Variants in PKD1L3 observed in about 807,000 individuals in gnomAD.
The protein encoded by PKD1L3 is polycystin 1 like 3, transient receptor potential channel interacting, also known as polycystin-1-like protein 3.
Under a neutral mutation model 184.1 loss-of-function variants are expected in PKD1L3, and 239 were observed. The observed-to-expected ratio is 1.30, with a 90% CI of 1.17 to 1.45. The LOEUF (loss-of-function observed/expected upper bound fraction) is 1.45. PKD1L3 is among the 40% of genes most tolerant of loss of function. PKD1L3 has a pLI of 0.00. For missense variants in PKD1L3, 2,660 were observed against 2,067.2 expected (o/e 1.29, Z -5.56); for synonymous variants, 996 against 778.8 (o/e 1.28, Z -4.64).
chr16:71,953,099 AG>A lies in PKD1L3; in HGVS notation c.2810-7del, dbSNP rs2038912262. ...GGCCACAGCAAATGGACGCACTGAA[AG>A]AAAAGCATGACATCAACTTTCATCT... On this transcript the variant is annotated splice_region_variant and splice_polypyrimidine_tract_variant and intron_variant, in intron 17 of 29. Transcript: ENST00000620267. 6.9e-7 allele frequency: 1 copy of A among 1,445,492 alleles called. No homozygotes were observed. Among genetic ancestry groups the A allele is most frequent in the Non-Finnish European group, 9.1e-7 (1 of 1,098,598 alleles). 89.5% of individuals were successfully genotyped at this position (1,445,492 alleles called of 1,614,324 possible).
At chr16:71,990,440 T>C (rs116992380) in intron 3 of PKD1L3, 111 bp from the exon 4 acceptor site, 18,361 of 929,262 alleles carry the variant, frequency 0.02, 208 homozygotes, top group Non-Finnish European at 0.025. Context: ...TTGTTTTACA[T>C]AGAAAACCAA....
In PKD1L3 at chr16:71,990,595, G is replaced by C. The variant is rs564041934; in HGVS notation, c.536-266C>G. The stretch of plus-strand genomic sequence containing the variant: ...CTAAAAACATAATAATTAGCCGGGC[G>C]TGGTGGCGGATGCATATAATCCCAG... On this transcript the variant is annotated intron_variant, in intron 3 of 29. Coordinates refer to ENST00000620267, the MANE Select transcript of PKD1L3 (RefSeq NM_181536.2). 7.9e-5 allele frequency among the ~76,000 whole-genome samples: 12 copies of C among 152,080 alleles called. No individual in the cohort carries two copies. The East Asian group carries it at 1.5e-3, about 20-fold the overall frequency.
chr16:71,970,529 C>T (rs1335480297), intron 12 of PKD1L3, among the ~76,000 whole-genome samples: 12 of 152,052 alleles, frequency 7.9e-5, no homozygotes, highest in East Asian at 1.9e-4. Context: ...AATGAATCAG[C>T]GGGTGTGGTG....
In PKD1L3 at chr16:71,988,571, T is replaced by G. The variant is rs111741052; in HGVS notation, c.585+1709A>C. 7.9e-5 allele frequency among the ~76,000 whole-genome samples: 12 copies of G among 152,282 alleles called. 1 individual carries two copies. The highest frequency in any genetic ancestry group is 1.4e-4 in the African/African-American group (6 of 41,560). On this transcript the variant is annotated intron_variant, in intron 4 of 29. Transcript: ENST00000620267. ...CGTGGTGACCATGGTGAGAAGGGGTTAGATTTGGGACCTGTGAAAGACTGC... is the reference window on the plus strand; with the variant it reads ...CGTGGTGACCATGGTGAGAAGGGGTGAGATTTGGGACCTGTGAAAGACTGC...
intron 12 of PKD1L3, 88 bp from the exon 13 acceptor site, chr16:71,970,193 G>A (rs1229730162): frequency 9.8e-7 from 1 of 1,023,820 alleles, no homozygotes. Context: ...ATTTAGAGAT[G>A]GAAAGAGGTA....
chr16:71,962,525 G>A (rs762863724), intron 16 of PKD1L3, among the ~76,000 whole-genome samples: 6 of 152,098 alleles, frequency 3.9e-5, no homozygotes, highest in Non-Finnish European at 7.4e-5. Flanking sequence ...GTTTCGCTCC[G>A]TTGCCCAGGC....
intron 17 of PKD1L3, among the ~76,000 whole-genome samples, 175 bp from the exon 18 acceptor site, chr16:71,953,268 A>C (rs146945357): frequency 6.6e-6 from 1 of 152,340 alleles, no homozygotes; most frequent in East Asian, 1.9e-4. Context: ...TTTGTTAATG[A>C]ATGAGAACAC....
chr16:71,943,848 C>T (rs1437444946), intron 23 of PKD1L3, among the ~76,000 whole-genome samples, 182 bp downstream of exon 23: 1 of 152,222 alleles, frequency 6.6e-6, no homozygotes, highest in Non-Finnish European at 1.5e-5. Context: ...CTCTAGACTC[C>T]AAGGTCAGGG....
At chr16:71,966,042 G>A (rs1201221208) in intron 15 of PKD1L3, among the ~76,000 whole-genome samples, 2 of 151,984 alleles carry the variant, frequency 1.3e-5, no homozygotes, top group East Asian at 3.9e-4. Context: ...AAGCAGCAAG[G>A]AAGTTATTAG....
At chr16:71,959,689 A>G (rs897651335) in intron 16 of PKD1L3, among the ~76,000 whole-genome samples, 1 of 152,210 alleles carries the variant, frequency 6.6e-6, no homozygotes, top group Non-Finnish European at 1.5e-5. Flanking sequence ...ATGGAGAAAA[A>G]GTGTGTTAAA....
In PKD1L3 at chr16:71,954,133, G is replaced by A; in HGVS notation, c.2781C>T (p.Asn927=). ...GCTCATCTCTCTTGGCAGTGGTGCT[G>A]TTTATCTTCCAGAACATAACATTGA... ...MVINVMFWKI[N]STTAKRDEQM... The change falls in exon 17 of 30, where the codon AAC becomes AAT. Residue 927 remains asparagine, a synonymous_variant. Transcript: ENST00000620267. 1 of 1,547,822 alleles carries A rather than the reference G, an allele frequency of 6.5e-7. No homozygotes were observed. Among genetic ancestry groups the A allele is most frequent in the Non-Finnish European group, 8.7e-7 (1 of 1,145,552 alleles).
chr16:71,940,200 C>G (rs1266751981), intron 24 of PKD1L3, among the ~76,000 whole-genome samples: 2 of 152,130 alleles, frequency 1.3e-5, no homozygotes, highest in Non-Finnish European at 2.9e-5. Context: ...ATCTTGCCTT[C>G]TACCACCCCA....
At chr16:71,995,142 G>A (rs1211516767) in intron 2 of PKD1L3, among the ~76,000 whole-genome samples, 1 of 152,114 alleles carries the variant, frequency 6.6e-6, no homozygotes, top group Non-Finnish European at 1.5e-5. Flanking sequence ...GAAGGCACTG[G>A]CACTTGGAGT....
Position 71,944,039 on chromosome 16 carries a change from C to G in PKD1L3, c.3850G>C (p.Asp1284His), listed in dbSNP as rs1440330787. The G allele has an allele frequency of 6.4e-7, 1 of 1,551,516 alleles. No individual in the cohort carries two copies. The highest frequency in any genetic ancestry group is 2.4e-5 in the East Asian group (1 of 40,910). Residue 1284 changes from aspartate (D) to histidine (H), a missense_variant, in exon 23 of 30, where the codon GAT (aspartate) becomes CAT (histidine). Coordinates refer to ENST00000620267, the MANE Select transcript of PKD1L3 (RefSeq NM_181536.2). The stretch of plus-strand genomic sequence containing the variant: ...CATTTCCTCTCCATACCCAAAATAT[C>G]TCCAGTCAGCTTGAAGAGTTTCTTC... ...KKKKLFKLTGDILVQILFLTL... is the reference protein window; with the variant it reads ...KKKKLFKLTGHILVQILFLTL...
intron 16 of PKD1L3, among the ~76,000 whole-genome samples, chr16:71,956,421 G>T (rs1025448936): frequency 1.3e-5 from 2 of 151,794 alleles, no homozygotes; most frequent in Non-Finnish European, 2.9e-5. Context: ...TCAAACTCCG[G>T]ACCTCTGGTG....
intron 15 of PKD1L3, among the ~76,000 whole-genome samples, chr16:71,966,848 G>A (rs2039518594): frequency 6.6e-6 from 1 of 152,036 alleles, no homozygotes; most frequent in Admixed American, 6.6e-5. Flanking sequence ...GGCACTTTCA[G>A]GCAATATTTC....
intron 23 of PKD1L3, among the ~76,000 whole-genome samples, 199 bp from the exon 24 acceptor site, chr16:71,943,223 A>G (rs2038423817): frequency 6.6e-6 from 1 of 152,132 alleles, no homozygotes; most frequent in African/African-American, 2.4e-5. Flanking sequence ...CACTAATGAT[A>G]CATTTTACTT....
rs1567504035 is a variant in PKD1L3 at position 71,949,997 on chromosome 16, A to T, written c.3404T>A (p.Ile1135Asn). 1.3e-6 allele frequency: 2 copies of T among 1,551,504 alleles called. No homozygotes were observed. Among genetic ancestry groups the T allele is most frequent in the East Asian group, 2.4e-5 (1 of 40,922 alleles). The change falls in exon 21 of 30, where the codon ATC becomes AAC. Residue 1135 changes from isoleucine (I) to asparagine (N), a missense_variant. Transcript: ENST00000620267. ...EPSREVTSFAILSSEEGKKPI... is the reference protein window; with the variant it reads ...EPSREVTSFANLSSEEGKKPI... ...CTTTTTTCCTTCTTCTGAGCTCAGG[A>T]TGGCAAAACTGGTGACTTCCCTGAA... is the stretch of plus-strand genomic sequence containing the variant.
At chr16:71,953,152 A>C (rs1336661393) in intron 17 of PKD1L3, 59 bp from the exon 18 acceptor site, 7 of 1,299,990 alleles carry the variant, frequency 5.4e-6, no homozygotes, top group Non-Finnish European at 7.1e-6. Flanking sequence ...TCGCAAAGTC[A>C]TTCCTCTCCT....
Sources: gnomAD v4.1 joint callset for allele counts (sites outside exome capture counted in the v4.1 genomes callset) on GRCh38, gnomAD v4.1.1 for gene constraint, MANE v1.5 for transcripts, NCBI Gene and HGNC (gene_info 2026-07-23, HGNC 2026-07-21) for gene names.